The following VAMP7 variants were observed in gnomAD, a reference collection of about 807,000 sequenced individuals.
The protein encoded by VAMP7 is vesicle-associated membrane protein 7.
In VAMP7, 14 loss-of-function variants were observed where a neutral mutation model predicts 29.6. The ratio of observed to expected loss-of-function variants is 0.47; its 90% confidence interval spans 0.31 to 0.74. VAMP7 has a LOEUF of 0.74. Among genes scored for constraint, VAMP7 ranks in the 30% least tolerant of loss-of-function variants. The pLI is 0.05. For missense variants in VAMP7, 223 were observed against 262.4 expected, an observed-to-expected ratio of 0.85 and a Z score of 1.04; for synonymous variants, 95 against 88.1, an observed-to-expected ratio of 1.08 and a Z score of -0.44.
intron 6 of VAMP7, among the ~76,000 whole-genome samples, chrX:155,921,443 T>C (rs891748521): frequency 2.0e-5 from 3 of 152,152 alleles, no homozygotes; most frequent in South Asian, 2.1e-4. Flanking sequence ...TTCTGACTTA[T>C]ATCACCACAG....
chrX:155,883,341 C>G (rs2065826447), intron 1 of VAMP7, among the ~76,000 whole-genome samples: 1 of 152,160 alleles, frequency 6.6e-6, no homozygotes, highest in Admixed American at 6.5e-5. Flanking sequence ...TCAGTGCCTT[C>G]TCTTCTTCCA....
intron 6 of VAMP7, among the ~76,000 whole-genome samples, chrX:155,937,617 G>A (rs1205924403): frequency 6.6e-6 from 1 of 152,150 alleles, no homozygotes; most frequent in Non-Finnish European, 1.5e-5. Flanking sequence ...GGTCTGAAAT[G>A]TTACTAAAAG....
At chrX:155,903,888 A>G (rs1258365436) in intron 5 of VAMP7, among the ~76,000 whole-genome samples, 1 of 152,184 alleles carries the variant, frequency 6.6e-6, no homozygotes, top group Non-Finnish European at 1.5e-5. Context: ...TCATGCCGCT[A>G]TAAAGACACA....
intron 5 of VAMP7, among the ~76,000 whole-genome samples, chrX:155,902,352 C>G (rs997035769): frequency 6.6e-6 from 1 of 151,020 alleles, no homozygotes; most frequent in Non-Finnish European, 1.5e-5. Context: ...TAATTGAATA[C>G]CCTTTATTTC....
chrX:155,936,284 C>G (rs966613720), intron 6 of VAMP7, among the ~76,000 whole-genome samples: 1 of 152,150 alleles, frequency 6.6e-6, no homozygotes, highest in African/African-American at 2.4e-5. Context: ...TCAGCTATGC[C>G]CTGCCCCCAG....
intron 5 of VAMP7, among the ~76,000 whole-genome samples, chrX:155,904,175 A>T (rs1035208049): frequency 6.1e-5 from 8 of 131,828 alleles, no homozygotes; most frequent in African/African-American, 2.3e-4. Context: ...TGGACACAGG[A>T]AGGGGAACAT....
intron 1 of VAMP7, among the ~76,000 whole-genome samples, chrX:155,884,149 C>G (rs2065838657): frequency 6.6e-6 from 1 of 151,532 alleles, no homozygotes; most frequent in Non-Finnish European, 1.5e-5. Flanking sequence ...TCTTTTGAGA[C>G]AGAGTTTTGC....
At chrX:155,894,924 G>A (rs1398057834) in intron 2 of VAMP7, among the ~76,000 whole-genome samples, 2 of 151,894 alleles carry the variant, frequency 1.3e-5, no homozygotes, top group Admixed American at 6.6e-5. Context: ...CTGGCCTTTC[G>A]CTCACTCTTT....
intron 2 of VAMP7, among the ~76,000 whole-genome samples, chrX:155,890,752 C>T (rs1392037937): frequency 2.6e-5 from 4 of 152,120 alleles, no homozygotes; most frequent in Non-Finnish European, 5.9e-5. Context: ...TTAAAAAGTG[C>T]CTCAACCTTC....
At position 155,885,670 on chromosome X, in the gene VAMP7, CAG is replaced by C. The variant is rs1314285260; in HGVS notation, c.-9-3782_-9-3781del. The stretch of plus-strand genomic sequence containing the variant: ...TGGCATCCATATAAAAGAAGAGAGA[CAG>C]AGAGAATGCAGTGTGAAGACACAGA... On this transcript the variant is annotated intron_variant, in intron 1 of 7. Transcript: ENST00000286448. Among the ~76,000 whole-genome samples, 14 of 152,202 alleles carry C rather than the reference CAG, an allele frequency of 9.2e-5. No individual in the cohort carries two copies. In the East Asian group the frequency reaches 2.5e-3, roughly 27 times the overall value.
chrX:155,900,407 T>C, intron 4 of VAMP7, 90 bp from the exon 5 acceptor site: 1 of 953,074 alleles, frequency 1.0e-6, no homozygotes, highest in East Asian at 2.6e-5. Flanking sequence ...TTTATAGCAT[T>C]CCTCAGTGTA....
chrX:155,924,990 T>C lies in VAMP7; in HGVS notation c.501+5110T>C, dbSNP rs768087996. Among the ~76,000 whole-genome samples, 19 of 152,356 alleles carry C rather than the reference T, an allele frequency of 1.2e-4. No homozygotes were observed. In the South Asian group the frequency reaches 3.7e-3, roughly 30 times the overall value. Reference sequence around the variant, plus strand: ...TAGTTGCCATCTCAAGAAACCACTTTCCTTGCCCATGCATAAGAAACAACT... The same window carrying C: ...TAGTTGCCATCTCAAGAAACCACTTCCCTTGCCCATGCATAAGAAACAACT... On this transcript the variant is annotated intron_variant, in intron 6 of 7. Transcript: ENST00000286448.
intron 7 of VAMP7, 77 bp from the exon 8 acceptor site, chrX:155,941,806 C>A: frequency 6.9e-7 from 1 of 1,450,934 alleles, no homozygotes; most frequent in Non-Finnish European, 9.3e-7. Context: ...CTTAATAAGG[C>A]TCTACTTTCC....
At position 155,943,167 on chromosome X, in the gene VAMP7, G is replaced by A. The variant is rs1259438758; in HGVS notation, c.*1216G>A. The A allele has an allele frequency of 6.8e-6, 1 of 147,604 alleles. No individual in the cohort carries two copies. The highest frequency in any genetic ancestry group is 6.9e-5 in the Admixed American group (1 of 14,512). 9.1% of individuals were successfully genotyped at this position (147,604 alleles called of 1,614,324 possible). ...ATTTCTGGTGTGTATCTGAAAGGAAGACATTTTCTACCCTAGATCCAATTG... is the reference window on the plus strand; with the variant it reads ...ATTTCTGGTGTGTATCTGAAAGGAAAACATTTTCTACCCTAGATCCAATTG... On this transcript the variant is annotated 3_prime_UTR_variant, in exon 8 of 8. Transcript: ENST00000286448.
chrX:155,910,679 G>C (rs2066225144), intron 5 of VAMP7, among the ~76,000 whole-genome samples: 1 of 150,860 alleles, frequency 6.6e-6, no homozygotes, highest in Non-Finnish European at 1.5e-5. Flanking sequence ...TCTCATTTTG[G>C]CTTTTATTTG....
At chrX:155,901,553 G>T (rs1426313426) in intron 5 of VAMP7, among the ~76,000 whole-genome samples, 1 of 152,016 alleles carries the variant, frequency 6.6e-6, no homozygotes, top group Non-Finnish European at 1.5e-5. Context: ...TTTGTATAAG[G>T]TATAAGGAAG....
At chrX:155,896,816 A>G (rs1282198011) in intron 3 of VAMP7, among the ~76,000 whole-genome samples, 1 of 152,144 alleles carries the variant, frequency 6.6e-6, no homozygotes, top group African/African-American at 2.4e-5. Flanking sequence ...AGGGTTCCTA[A>G]TCTTTATTGT....
At chrX:155,927,326 A>T (rs1328604523) in intron 6 of VAMP7, among the ~76,000 whole-genome samples, 2 of 151,550 alleles carry the variant, frequency 1.3e-5, no homozygotes, top group Non-Finnish European at 2.9e-5. Flanking sequence ...TGTGTAAGAA[A>T]CCTGCACGTT....
At chrX:155,886,936 GGCT>G (rs372678139) in intron 1 of VAMP7, among the ~76,000 whole-genome samples, 12,873 of 152,120 alleles carry the variant, frequency 0.085, 1,008 homozygotes, top group African/African-American at 0.21. Flanking sequence ...CAGGGACTGA[GGCT>G]GCTGCTACTT....
Sources: allele counts gnomAD v4.1 joint callset (sites outside exome capture counted in the v4.1 genomes callset), GRCh38; gene constraint gnomAD v4.1.1; transcripts MANE v1.5; gene names NCBI Gene and HGNC (gene_info 2026-07-23, HGNC 2026-07-21).